Variants in HS6ST3 observed in about 807,000 individuals in gnomAD.
HS6ST3 encodes heparan sulfate 6-O-sulfotransferase 3.
In HS6ST3, 12 loss-of-function variants were observed where a neutral mutation model predicts 36.7. The observed-to-expected ratio is 0.33, with a 90% CI of 0.21 to 0.53. HS6ST3 has a LOEUF of 0.53. HS6ST3 is among the 20% of genes least tolerant of loss of function. The probability of loss-of-function intolerance (pLI) is 0.95; values close to 1 mark genes in which losing one functional copy is unlikely to be tolerated. For synonymous variants in HS6ST3, 240 were observed against 257.5 expected, an observed-to-expected ratio of 0.93 and a Z score of 0.65; for missense variants, 584 against 640.9, an observed-to-expected ratio of 0.91 and a Z score of 0.96.
At chr13:96,195,682 G>A (rs1227824223) in intron 1 of HS6ST3, among the ~76,000 whole-genome samples, 1 of 152,162 alleles carries the variant, frequency 6.6e-6, no homozygotes, top group Non-Finnish European at 1.5e-5. Context: ...TCAGTAGCAA[G>A]CATTTGCTGT....
chr13:96,530,155 A>G (rs2056130011), intron 1 of HS6ST3, among the ~76,000 whole-genome samples: 3 of 117,050 alleles, frequency 2.6e-5, no homozygotes, highest in African/African-American at 5.8e-5. Context: ...ATAGGATTTC[A>G]TTAAGAAAAT....
At chr13:96,236,483 T>G (rs1017830819) in intron 1 of HS6ST3, among the ~76,000 whole-genome samples, 2 of 152,078 alleles carry the variant, frequency 1.3e-5, no homozygotes, top group African/African-American at 4.8e-5. Context: ...TCTGCCACTC[T>G]CTCTTCACTT....
chr13:96,370,880 G>A (rs776686111), intron 1 of HS6ST3, among the ~76,000 whole-genome samples: 3 of 151,962 alleles, frequency 2.0e-5, no homozygotes, highest in Admixed American at 1.3e-4. Context: ...CCTGGGTGAC[G>A]GAGCGAGACA....
intron 1 of HS6ST3, among the ~76,000 whole-genome samples, chr13:96,251,001 G>A (rs1357625687): frequency 1.3e-5 from 2 of 152,068 alleles, no homozygotes; most frequent in African/African-American, 2.4e-5. Context: ...CTAGCATTTT[G>A]TTCTCGATTT....
intron 1 of HS6ST3, among the ~76,000 whole-genome samples, chr13:96,100,252 G>A (rs762523486): frequency 6.6e-6 from 1 of 152,074 alleles, no homozygotes; most frequent in Non-Finnish European, 1.5e-5. Flanking sequence ...TTTGGAGGTC[G>A]AGTATATTTA....
intron 1 of HS6ST3, among the ~76,000 whole-genome samples, chr13:96,186,568 G>T (rs2054265896): frequency 6.6e-6 from 1 of 152,078 alleles, no homozygotes; most frequent in African/African-American, 2.4e-5. Flanking sequence ...TTTGTGTGTG[G>T]GTGTAAAACA....
intron 1 of HS6ST3, among the ~76,000 whole-genome samples, chr13:96,234,035 C>T (rs1224439929): frequency 5.9e-5 from 9 of 151,514 alleles, no homozygotes; most frequent in Non-Finnish European, 1.2e-4. Flanking sequence ...AACATACCCA[C>T]GTTCTGCAAT....
intron 1 of HS6ST3, among the ~76,000 whole-genome samples, chr13:96,451,833 GT>G (rs1354325127): frequency 6.6e-6 from 1 of 152,062 alleles, no homozygotes; most frequent in South Asian, 2.1e-4. Flanking sequence ...ATACTAGGAG[GT>G]TTTTCCTTTT....
intron 1 of HS6ST3, among the ~76,000 whole-genome samples, chr13:96,429,907 T>C (rs1262406646): frequency 1.3e-5 from 2 of 152,238 alleles, no homozygotes; most frequent in Non-Finnish European, 2.9e-5. Context: ...TGTGTGTTAC[T>C]GGATTTTACA....
chr13:96,212,065 T>C (rs2139357867), intron 1 of HS6ST3, among the ~76,000 whole-genome samples: 1 of 152,344 alleles, frequency 6.6e-6, no homozygotes, highest in South Asian at 2.1e-4. Context: ...CAAAAGGAGC[T>C]TTTGTCTGAC....
intron 1 of HS6ST3, among the ~76,000 whole-genome samples, chr13:96,445,166 A>T (rs1306925272): frequency 1.3e-5 from 2 of 152,220 alleles, no homozygotes; most frequent in Non-Finnish European, 2.9e-5. Context: ...CAAACCTATT[A>T]CATTGGCCTT....
At chr13:96,442,165 G>T (rs2055675011) in intron 1 of HS6ST3, among the ~76,000 whole-genome samples, 2 of 151,972 alleles carry the variant, frequency 1.3e-5, no homozygotes, top group Non-Finnish European at 2.9e-5. Flanking sequence ...GGGACGACAG[G>T]TGTGCACAAC....
chr13:96,554,955 C>A (rs530812237), intron 1 of HS6ST3, among the ~76,000 whole-genome samples: 5 of 152,002 alleles, frequency 3.3e-5, no homozygotes, highest in African/African-American at 1.2e-4. Context: ...TGTTGTACAC[C>A]TGTAGTTCCA....
At chr13:96,352,671 G>T (rs2055189480) in intron 1 of HS6ST3, among the ~76,000 whole-genome samples, 2 of 152,130 alleles carry the variant, frequency 1.3e-5, no homozygotes, top group African/African-American at 4.8e-5. Context: ...CATCTTGGAG[G>T]CTGCTACCAT....
intron 1 of HS6ST3, among the ~76,000 whole-genome samples, chr13:96,737,631 CAAAAAAAAAAAAAA>C (rs5805990): frequency 1.8e-4 from 12 of 65,760 alleles, no homozygotes; most frequent in South Asian, 7.2e-4. Flanking sequence ...GACTCCGTCT[CAAAAAAAAAAAAAA>C]AAAAAAAAAA....
intron 1 of HS6ST3, among the ~76,000 whole-genome samples, chr13:96,226,854 T>C (rs1240618004): frequency 1.3e-5 from 2 of 152,256 alleles, no homozygotes; most frequent in African/African-American, 4.8e-5. Context: ...AGGCAAAGTC[T>C]TTTAACAATG....
intron 1 of HS6ST3, among the ~76,000 whole-genome samples, chr13:96,819,817 G>C (rs1878495130): frequency 6.6e-6 from 1 of 152,152 alleles, no homozygotes; most frequent in Non-Finnish European, 1.5e-5. Flanking sequence ...ACTTTGGGAG[G>C]CTGAGGTCGG....
chr13:96,510,988 A>G (rs933041174), intron 1 of HS6ST3, among the ~76,000 whole-genome samples: 9 of 152,070 alleles, frequency 5.9e-5, no homozygotes, highest in African/African-American at 1.7e-4. Flanking sequence ...TGACCACTGC[A>G]TATATTTCTG....
At chr13:96,812,490 G>T (rs866592909) in intron 1 of HS6ST3, among the ~76,000 whole-genome samples, 1 of 152,084 alleles carries the variant, frequency 6.6e-6, no homozygotes, top group African/African-American at 2.4e-5. Context: ...ACATGTTACC[G>T]AGCAAAACCA....
Sources: gnomAD v4.1 joint callset for allele counts (sites outside exome capture counted in the v4.1 genomes callset) on GRCh38, gnomAD v4.1.1 for gene constraint, MANE v1.5 for transcripts, NCBI Gene and HGNC (gene_info 2026-07-23, HGNC 2026-07-21) for gene names.